Variants in KLHL41 observed in about 807,000 individuals in gnomAD.
KLHL41 encodes kelch like family member 41.
KLHL41 carries 31 observed loss-of-function variants against 49.2 expected under a neutral mutation model. The ratio of observed to expected loss-of-function variants is 0.63; its 90% CI spans 0.47 to 0.85. KLHL41 has a LOEUF of 0.85. Ranked by LOEUF, KLHL41 falls within the 40% of genes least tolerant of loss-of-function variation. The probability of loss-of-function intolerance (pLI) is 0.00; values close to 1 mark genes in which losing one functional copy is unlikely to be tolerated. For synonymous variants in KLHL41, 218 were observed against 258.5 expected (o/e 0.84, Z 1.50); for missense variants, 663 against 726.7 (o/e 0.91, Z 1.01).
intron 1 of KLHL41, among the ~76,000 whole-genome samples, chr2:169,513,980 CA>C (rs1171897322): frequency 6.6e-6 from 1 of 152,048 alleles, no homozygotes; most frequent in Non-Finnish European, 1.5e-5. Context: ...GGACTCCCAA[CA>C]ACACACTAGG....
rs998558788 is a variant in KLHL41 at position 169,514,682 on chromosome 2, G to A, written c.1219G>A (p.Asp407Asn). ...DDKIYVVAGK[D>N]LQTEASLDSV... Reference sequence around the variant, plus strand: ...TAAAATCTATGTAGTTGCAGGCAAAGACCTTCAAACAGAGGCTTCGCTGGA... The same window carrying A: ...TAAAATCTATGTAGTTGCAGGCAAAAACCTTCAAACAGAGGCTTCGCTGGA... The change falls in exon 2 of 6, where the codon GAC (aspartate) becomes AAC (asparagine). Residue 407 changes from aspartate to asparagine, a missense_variant. By Grantham distance (23) the Asp-to-Asn change is conservative. Transcript: ENST00000284669. 1 of 1,613,898 alleles carries A rather than the reference G, an allele frequency of 6.2e-7. No homozygotes were observed. The highest frequency in any genetic ancestry group is 8.5e-7 in the Non-Finnish European group (1 of 1,179,972).
rs1278055224 is a variant in KLHL41, at chr2:169,518,213, T to C, written c.1400T>C (p.Ile467Thr). 3.7e-6 allele frequency: 6 copies of C among 1,613,440 alleles called. No individual in the cohort carries two copies. Among genetic ancestry groups the C allele is most frequent in the Non-Finnish European group, 5.1e-6 (6 of 1,179,644 alleles). ...AGAAAATGTACAAACAGGGTGTTTA[T>C]CTTCAACCCCAAAAAAGGAGATTGG... Reference protein sequence around the residue: ...DDKKCTNRVFIFNPKKGDWKD... With the variant: ...DDKKCTNRVFTFNPKKGDWKD... Residue 467 changes from isoleucine (I) to threonine (T), a missense_variant, in exon 4 of 6, where the codon ATC (isoleucine) becomes ACC (threonine). Coordinates refer to ENST00000284669, the MANE Select transcript of KLHL41 (RefSeq NM_006063.3).
At position 169,520,848 on chromosome 2, in the gene KLHL41, T is replaced by G; in HGVS notation, c.1563-13T>G. The G allele has an allele frequency of 6.3e-7, 1 of 1,579,342 alleles. No individual in the cohort carries two copies. Among genetic ancestry groups the G allele is most frequent in the Non-Finnish European group, 8.7e-7 (1 of 1,156,050 alleles). ...TTAAGTTTTACATTGACTATATTTTTAATGATACCTAGATGGGATGTAATG... is the reference window on the plus strand; with the variant it reads ...TTAAGTTTTACATTGACTATATTTTGAATGATACCTAGATGGGATGTAATG... On this transcript the variant is annotated splice_polypyrimidine_tract_variant and intron_variant, in intron 4 of 5. Coordinates refer to ENST00000284669, the MANE Select transcript of KLHL41 (RefSeq NM_006063.3).
Position 169,525,740 on chromosome 2 carries a change from T to C in KLHL41, c.*44T>C. The C allele has an allele frequency of 9.5e-7, 1 of 1,047,318 alleles. No individual in the cohort carries two copies. The highest frequency in any genetic ancestry group is 1.5e-6 in the Non-Finnish European group (1 of 672,812). 64.9% of individuals were successfully genotyped at this position (1,047,318 alleles called of 1,614,324 possible). Reference sequence around the variant, plus strand: ...ATAGATTGGGAGGTGGTTTGTTTGGTGAATGGGGCTTTAATTTATTCTGTT... The same window carrying C: ...ATAGATTGGGAGGTGGTTTGTTTGGCGAATGGGGCTTTAATTTATTCTGTT... On this transcript the variant is annotated 3_prime_UTR_variant, in exon 6 of 6. Transcript: ENST00000284669.
chr2:169,524,539 A>C (rs1316520278), intron 5 of KLHL41, among the ~76,000 whole-genome samples: 1 of 150,866 alleles, frequency 6.6e-6, no homozygotes, highest in East Asian at 2.0e-4. Context: ...CTAGGATTAC[A>C]GACGCACACT....
intron 4 of KLHL41, among the ~76,000 whole-genome samples, chr2:169,520,225 T>G: frequency 7.1e-6 from 1 of 140,600 alleles, no homozygotes; most frequent in Non-Finnish European, 1.5e-5. Context: ...GTCCATTTTG[T>G]TGCCCAGGCT....
chr2:169,517,753 T>C (rs942721511), intron 3 of KLHL41, among the ~76,000 whole-genome samples: 7 of 152,210 alleles, frequency 4.6e-5, no homozygotes, highest in Non-Finnish European at 1.0e-4. Flanking sequence ...TGATCTATCA[T>C]ATAAAATTTA....
intron 5 of KLHL41, among the ~76,000 whole-genome samples, chr2:169,525,085 TCAAA>T (rs1038641089): frequency 1.3e-5 from 2 of 152,304 alleles, no homozygotes; most frequent in Middle Eastern, 3.4e-3. Context: ...AGAGTAGTCC[TCAAA>T]CAGAACAATA....
At position 169,510,879 on chromosome 2, in the gene KLHL41, CTT is replaced by C. The variant is rs1684021144; in HGVS notation, c.1102_1103del (p.Phe368LeufsTer5). On this transcript the variant is annotated frameshift_variant, in exon 1 of 6. Coordinates refer to ENST00000284669, the MANE Select transcript of KLHL41 (RefSeq NM_006063.3). LOFTEE classifies it high-confidence loss of function. This position sits in a 1 kb window ranked among gnomAD's most constrained non-coding sequence, Gnocchi z 4.2. ...ATAAGGATCAACCTCTACAGTCATA[CTT>C]CTTCCAGGTAAGAAGGACTTTTTGT... ...ENKDQPLQSY[F>X]FQLDSIASEW... is the part of the protein sequence containing the mutation. 2 of 1,611,702 alleles carry C rather than the reference CTT, an allele frequency of 1.2e-6. No individual in the cohort carries two copies. The highest frequency in any genetic ancestry group is 1.7e-6 in the Non-Finnish European group (2 of 1,178,572).
At position 169,509,727 on chromosome 2, in the gene KLHL41, G is replaced by T; in HGVS notation, c.-52G>T. On this transcript the variant is annotated 5_prime_UTR_variant, in exon 1 of 6. Transcript: ENST00000284669. ...CTTTTTACAGCTAGACCTGTGTGCT[G>T]CAAGGAGCTAAGGCCTTCAGTGTCC... The T allele has an allele frequency of 6.5e-7, 1 of 1,545,982 alleles. No homozygotes were observed. Among genetic ancestry groups the T allele is most frequent in the Admixed American group, 1.9e-5 (1 of 53,372 alleles).
Position 169,509,999 on chromosome 2 carries a change from T to A in KLHL41, c.221T>A (p.Val74Glu). 6.2e-7 allele frequency: 1 copy of A among 1,614,080 alleles called. No individual in the cohort carries two copies. Among genetic ancestry groups the A allele is most frequent in the Non-Finnish European group, 8.5e-7 (1 of 1,180,014 alleles). Residue 74 changes from valine to glutamate, a missense_variant, in exon 1 of 6, where the codon GTA (valine) becomes GAA (glutamate). Val to Glu is a moderately radical substitution (Grantham distance 121, BLOSUM62 -2). This residue lies in a region of KLHL41 where 129 missense variants were observed against 122.1 expected (regional missense o/e 1.06). Transcript: ENST00000284669. ...ATTGATGAGGCGAAAAAAAAGGAGG[T>A]AGTGCTAGACAATGTGGATCCTGCT... The part of the protein sequence containing the change: ...SEIDEAKKKE[V>E]VLDNVDPAIL...
At chr2:169,513,493 G>C (rs1684062346) in intron 1 of KLHL41, among the ~76,000 whole-genome samples, 2 of 152,142 alleles carry the variant, frequency 1.3e-5, no homozygotes, top group African/African-American at 4.8e-5. Context: ...GTTGAAATTA[G>C]TGAATGCAAA....
chr2:169,510,076 G>A lies in KLHL41; in HGVS notation c.298G>A (p.Asp100Asn). 6.2e-7 allele frequency: 1 copy of A among 1,614,180 alleles called. No homozygotes were observed. Among genetic ancestry groups the A allele is most frequent in the Non-Finnish European group, 8.5e-7 (1 of 1,180,022 alleles). ...GTACTCTGCCAGTATTGATCTCAAT[G>A]ACGGAAATGTGCAAGATATTTTTGC... The part of the protein sequence containing the change: ...YLYSASIDLN[D>N]GNVQDIFALA... The change falls in exon 1 of 6, where the codon GAC (aspartate) becomes AAC (asparagine). Residue 100 changes from aspartate to asparagine, a missense_variant. By Grantham distance (23) the Asp-to-Asn change is conservative (BLOSUM62 1). Coordinates refer to ENST00000284669, the MANE Select transcript of KLHL41 (RefSeq NM_006063.3). This position sits in a 1 kb window ranked among gnomAD's most constrained non-coding sequence, Gnocchi z 4.2.
At chr2:169,521,231 C>T (rs1684199056) in intron 5 of KLHL41, among the ~76,000 whole-genome samples, 1 of 152,146 alleles carries the variant, frequency 6.6e-6, no homozygotes, top group South Asian at 2.1e-4. Flanking sequence ...CTGGGCAGGC[C>T]TGTTTCTTAC....
At chr2:169,518,647 G>A (rs1413078769) in intron 4 of KLHL41, among the ~76,000 whole-genome samples, 1 of 152,112 alleles carries the variant, frequency 6.6e-6, no homozygotes, top group Admixed American at 6.5e-5. Flanking sequence ...TTAACTTTGT[G>A]AATTTAGAAA....
At chr2:169,522,541 T>C (rs1684218636) in intron 5 of KLHL41, among the ~76,000 whole-genome samples, 1 of 152,026 alleles carries the variant, frequency 6.6e-6, no homozygotes, top group Non-Finnish European at 1.5e-5. Flanking sequence ...CAGGGCCAGG[T>C]ACCAAATATA....
rs1271181943 is a variant in KLHL41, at chr2:169,525,990, T to TAATC, written c.*296_*299dup. On this transcript the variant is annotated 3_prime_UTR_variant, in exon 6 of 6. Transcript: ENST00000284669. The stretch of plus-strand genomic sequence containing the variant: ...AGGCTCCTAAATTTGAGTTGTTTGC[T>TAATC]AATCATTTCATTTGCATCATTAGGG... 5.6e-5 allele frequency: 12 copies of TAATC among 212,902 alleles called. No individual in the cohort carries two copies. Among genetic ancestry groups the TAATC allele is most frequent in the Middle Eastern group, 1.6e-3 (1 of 608 alleles). 13.2% of individuals were successfully genotyped at this position (212,902 alleles called of 1,614,324 possible).
chr2:169,516,235 A>G (rs1212146755), intron 3 of KLHL41, among the ~76,000 whole-genome samples: 1 of 152,224 alleles, frequency 6.6e-6, no homozygotes, highest in East Asian at 1.9e-4. Context: ...AGAGTAAAAT[A>G]TAGAAATGTG....
In KLHL41 at chr2:169,514,495, T is replaced by A. The variant is rs1038019846; in HGVS notation, c.1111-79T>A. The A allele has an allele frequency of 5.8e-6, 7 of 1,197,180 alleles. No homozygotes were observed. The Admixed American group carries it at 1.3e-4, about 22-fold the overall frequency. 74.2% of individuals were successfully genotyped at this position (1,197,180 alleles called of 1,614,324 possible). A position where few individuals can be genotyped will look rare whatever the true frequency, so the allele number is the denominator to read the frequency against. ...CTATCTCGATGACTTCTAAACAACA[T>A]ATAAAGTATAACTTTTTTTGGTGTA... On this transcript the variant is annotated intron_variant, in intron 1 of 5. Transcript: ENST00000284669.
Sources: gnomAD v4.1 joint callset for allele counts (sites outside exome capture counted in the v4.1 genomes callset) on GRCh38, gnomAD v4.1.1 for gene constraint, gnomAD v4.1.1 regional missense constraint, Gnocchi (gnomAD v3.1) non-coding constraint, MANE v1.5 for transcripts, NCBI Gene and HGNC (gene_info 2026-07-23, HGNC 2026-07-21) for gene names.